HMCN2: variants seen among roughly 807,000 people sequenced by gnomAD.
HMCN2 encodes hemicentin-2.
Under a neutral mutation model 377.5 loss-of-function variants are expected in HMCN2, and 325 were observed. The observed-to-expected ratio is 0.86, with a 90% CI of 0.79 to 0.94. The LOEUF is 0.94. Among genes scored for constraint, HMCN2 ranks in the 40% least tolerant of loss-of-function variants. HMCN2 has a pLI of 0.00. For missense variants in HMCN2, 4,543 were observed against 4,725.3 expected (o/e 0.96, Z 1.13); for synonymous variants, 2,007 against 2,046.8 (o/e 0.98, Z 0.53).
intron 31 of HMCN2, among the ~76,000 whole-genome samples, chr9:130,354,271 A>G (rs1839900810): frequency 6.6e-6 from 1 of 152,094 alleles, no homozygotes; most frequent in Non-Finnish European, 1.5e-5. Context: ...GGCTCCAAGC[A>G]TAGTTAACAT....
chr9:130,315,362 C>CTTTCCTTCA (rs1837516225), intron 15 of HMCN2, among the ~76,000 whole-genome samples: 1 of 32,668 alleles, frequency 3.1e-5, no homozygotes, highest in African/African-American at 1.5e-4. Context: ...CCTCCCTCTC[C>CTTTCCTTCA]CCTCCCCCTC....
intron 96 of HMCN2, 83 bp from the exon 97 acceptor site, chr9:130,432,346 G>A (rs113298979): frequency 7.5e-7 from 1 of 1,326,492 alleles, no homozygotes; most frequent in African/African-American, 1.5e-5. Flanking sequence ...TCCCCCAAAG[G>A]TACTTCTCCC....
intron 8 of HMCN2, among the ~76,000 whole-genome samples, chr9:130,300,888 C>T (rs1554934156): frequency 6.6e-6 from 1 of 152,218 alleles, no homozygotes; most frequent in African/African-American, 2.4e-5. Flanking sequence ...GGGCCACTGG[C>T]CATCTGGCTT....
intron 62 of HMCN2, 31 bp from the exon 63 acceptor site, chr9:130,390,946 G>A: frequency 1.0e-6 from 1 of 986,120 alleles, no homozygotes; most frequent in Non-Finnish European, 1.2e-6. Flanking sequence ...AGAAGGGGCT[G>A]GGGGATTCAG....
intron 6 of HMCN2, among the ~76,000 whole-genome samples, chr9:130,296,321 C>T (rs1836148786): frequency 6.6e-6 from 1 of 152,196 alleles, no homozygotes; most frequent in African/African-American, 2.4e-5. Flanking sequence ...CACCTCCTGC[C>T]TTTCAAACTC....
intron 35 of HMCN2, 92 bp downstream of exon 35, chr9:130,358,080 G>C (rs951490300): frequency 9.0e-7 from 1 of 1,108,100 alleles, no homozygotes; most frequent in Non-Finnish European, 1.2e-6. Flanking sequence ...GCAAATCCCA[G>C]CAGGCTGGGC....
At position 130,268,760 on chromosome 9, in the gene HMCN2, TG is replaced by T. The variant is rs1259154884; in HGVS notation, c.259+2624del. Among the ~76,000 whole-genome samples, 12 of 148,402 alleles carry T rather than the reference TG, an allele frequency of 8.1e-5. 2 individuals carry two copies. The highest frequency in any genetic ancestry group is 2.7e-4 in the Admixed American group (4 of 14,940). On this transcript the variant is annotated intron_variant, in intron 1 of 97. Transcript: ENST00000683500. ...AGGACCGGGGGATGGACAGGAGGGC[TG>T]ATGTGGAGGGACAGGTGTGTGTGGG...
In HMCN2 at chr9:130,425,133, CG is replaced by C. The variant is rs1844252692; in HGVS notation, c.13641+8del. The C allele has an allele frequency of 3.2e-6, 5 of 1,545,884 alleles. No individual in the cohort carries two copies. The highest frequency in any genetic ancestry group is 2.6e-6 in the Non-Finnish European group (3 of 1,144,878). ...CTGACGCAGATCTTCAAGTGCAGGT[CG>C]GGGGTCAAGCCCTGGGGTGTGCAGA... On this transcript the variant is annotated splice_donor_region_variant and intron_variant, in intron 89 of 97. Transcript: ENST00000683500.
At chr9:130,373,285 A>T (rs1395372373) in intron 48 of HMCN2, among the ~76,000 whole-genome samples, 161 bp downstream of exon 48, 1 of 151,976 alleles carries the variant, frequency 6.6e-6, no homozygotes, top group Admixed American at 6.6e-5. Flanking sequence ...TCATCTTTGC[A>T]TGTGTTCTTC....
intron 15 of HMCN2, among the ~76,000 whole-genome samples, chr9:130,314,028 C>T (rs1423532052): frequency 2.0e-5 from 3 of 152,168 alleles, no homozygotes. Flanking sequence ...GATCCACCTA[C>T]CTTGGGCTCC....
rs1235590670 is a variant in HMCN2 at position 130,428,326 on chromosome 9, T to A, written c.14066-32T>A. 1 of 1,505,956 alleles carries A rather than the reference T, an allele frequency of 6.6e-7. No individual in the cohort carries two copies. Among genetic ancestry groups the A allele is most frequent in the Non-Finnish European group, 8.9e-7 (1 of 1,120,970 alleles). 93.3% of individuals were successfully genotyped at this position (1,505,956 alleles called of 1,614,324 possible). A position where few individuals can be genotyped will look rare whatever the true frequency, so the allele number is the denominator to read the frequency against. ...GGCGAGGCACGCCTGGGGATCATGT[T>A]CACACAGCCGTCTGCCCTGATCTGC... On this transcript the variant is annotated intron_variant, in intron 92 of 97. Coordinates refer to ENST00000683500, the MANE Select transcript of HMCN2 (RefSeq NM_001291815.2). This position sits in a 1 kb window ranked among gnomAD's most constrained non-coding sequence, Gnocchi z 5.0.
At chr9:130,312,248 C>G (rs1837284717) in intron 15 of HMCN2, among the ~76,000 whole-genome samples, 1 of 151,988 alleles carries the variant, frequency 6.6e-6, no homozygotes, top group African/African-American at 2.4e-5. Flanking sequence ...CTGCTTACGT[C>G]TGCAAGCCTT....
intron 35 of HMCN2, 82 bp from the exon 36 acceptor site, chr9:130,358,308 C>T (rs1564813083): frequency 7.7e-7 from 1 of 1,295,082 alleles, no homozygotes; most frequent in Non-Finnish European, 1.0e-6. Context: ...TGCCCCCGGG[C>T]TCGGCAGCAG....
At chr9:130,289,738 C>T (rs570805270) in intron 4 of HMCN2, among the ~76,000 whole-genome samples, 48 of 152,276 alleles carry the variant, frequency 3.2e-4, no homozygotes, top group African/African-American at 1.1e-3. Context: ...AGACTAGGAA[C>T]TCTCTCTGAA....
chr9:130,305,754 T>C (rs1385029266), intron 11 of HMCN2, among the ~76,000 whole-genome samples: 1 of 152,100 alleles, frequency 6.6e-6, no homozygotes, highest in Non-Finnish European at 1.5e-5. Context: ...TTGGGGCCAA[T>C]AGTAGGGCAG....
At chr9:130,386,633 C>A in intron 61 of HMCN2, 109 bp downstream of exon 61, 1 of 540,938 alleles carries the variant, frequency 1.8e-6, no homozygotes, top group Admixed American at 3.5e-5. Context: ...CTGCCAAGTG[C>A]TGAAGGCACA....
rs1483692157 is a variant in HMCN2 at position 130,303,067 on chromosome 9, G to T, written c.1421+66G>T. 3 of 396,014 alleles carry T rather than the reference G, an allele frequency of 7.6e-6. No homozygotes were observed. Among genetic ancestry groups the T allele is most frequent in the South Asian group, 1.9e-5 (1 of 53,098 alleles). The allele number at this position is 396,014 out of a possible 1,614,324, so 24.5% of individuals were successfully genotyped here. ...CTCCTGGCTGCTGAGGCCCTGGAGGGATCTCAGGGGAGTGGGTGGCAGGAG... is the reference window on the plus strand; with the variant it reads ...CTCCTGGCTGCTGAGGCCCTGGAGGTATCTCAGGGGAGTGGGTGGCAGGAG... On this transcript the variant is annotated intron_variant, in intron 9 of 97. Coordinates refer to ENST00000683500, the MANE Select transcript of HMCN2 (RefSeq NM_001291815.2). This position sits in a 1 kb window ranked among gnomAD's most constrained non-coding sequence, Gnocchi z 5.2.
chr9:130,356,070 C>A lies in HMCN2; in HGVS notation c.5256-18C>A. 2.4e-6 allele frequency: 3 copies of A among 1,253,718 alleles called. No homozygotes were observed. The highest frequency in any genetic ancestry group is 1.3e-5 in the South Asian group (1 of 74,624). 77.7% of individuals were successfully genotyped at this position (1,253,718 alleles called of 1,614,324 possible). A position where few individuals can be genotyped will look rare whatever the true frequency, so the allele number is the denominator to read the frequency against. On this transcript the variant is annotated intron_variant, in intron 33 of 97. Coordinates refer to ENST00000683500, the MANE Select transcript of HMCN2 (RefSeq NM_001291815.2). ...CCCTGGTCTCAGGTTGACACGCCCC[C>A]CTCCCTACTCACCTTAGGTGGCTGC...
chr9:130,433,728 C>T lies in HMCN2; in HGVS notation c.*35C>T. The T allele has an allele frequency of 7.1e-7, 1 of 1,399,824 alleles. No homozygotes were observed. Among genetic ancestry groups the T allele is most frequent in the African/African-American group, 1.5e-5 (1 of 65,424 alleles). The allele number at this position is 1,399,824 out of a possible 1,614,324, so 86.7% of individuals were successfully genotyped here. A position where few individuals can be genotyped will look rare whatever the true frequency, so the allele number is the denominator to read the frequency against. On this transcript the variant is annotated 3_prime_UTR_variant, in exon 98 of 98. Transcript: ENST00000683500. ...GGCATTGGCGGCCGCCCTGGCGTGACCCCCGAGGAAGGGGTCGAGGAGAAG... is the reference window on the plus strand; with the variant it reads ...GGCATTGGCGGCCGCCCTGGCGTGATCCCCGAGGAAGGGGTCGAGGAGAAG...
Sources: allele counts gnomAD v4.1 joint callset (sites outside exome capture counted in the v4.1 genomes callset), GRCh38; gene constraint gnomAD v4.1.1; non-coding constraint Gnocchi (gnomAD v3.1); transcripts MANE v1.5; gene names NCBI Gene and HGNC (gene_info 2026-07-23, HGNC 2026-07-21).